XIRP2: variants seen among roughly 807,000 people sequenced by gnomAD.
XIRP2 encodes the protein xin actin binding repeat containing 2.
A neutral mutation model predicts 277.0 loss-of-function variants in XIRP2; 236 were observed. That is an observed-to-expected ratio of 0.85 (90% CI 0.77 to 0.95). XIRP2 has a LOEUF of 0.95. XIRP2 is among the 40% of genes least tolerant of loss of function. The pLI is 0.00. For synonymous variants in XIRP2, 1,490 were observed against 1,416.5 expected, an observed-to-expected ratio of 1.05 and a Z score of -1.17; for missense variants, 4,640 against 4,157.5, an observed-to-expected ratio of 1.12 and a Z score of -3.19.
intron 2 of XIRP2, among the ~76,000 whole-genome samples, chr2:167,134,568 G>A (rs374714072): frequency 5.1e-4 from 78 of 152,202 alleles, no homozygotes; most frequent in African/African-American, 1.8e-3. Context: ...GCTGCTTAGA[G>A]AAATACAATA....
chr2:167,163,208 T>G (rs1459109926), intron 3 of XIRP2, among the ~76,000 whole-genome samples: 3 of 152,204 alleles, frequency 2.0e-5, no homozygotes, highest in Non-Finnish European at 4.4e-5. Context: ...TGGACATATG[T>G]TAAGTCATTA....
chr2:167,259,508 T>C lies in XIRP2; in HGVS notation c.*1691T>C, dbSNP rs182661301. The C allele has an allele frequency of 2.2e-3, 1,630 of 748,956 alleles. 17 individuals are homozygous for C. Among genetic ancestry groups the C allele is most frequent in the South Asian group, 0.015 (618 of 41,266 alleles). 46.4% of individuals were successfully genotyped at this position (748,956 alleles called of 1,614,324 possible). A position where few individuals can be genotyped will look rare whatever the true frequency, so the allele number is the denominator to read the frequency against. On this transcript the variant is annotated 3_prime_UTR_variant, in exon 11 of 11. Transcript: ENST00000409195. The stretch of plus-strand genomic sequence containing the variant: ...ATCTCGTGTCTATCTCAATGGGATA[T>C]TTCTTGTATTACACCTTGTCATTTT...
At chr2:167,083,020 T>C (rs868180314) in intron 2 of XIRP2, among the ~76,000 whole-genome samples, 150 of 152,348 alleles carry the variant, frequency 9.8e-4, no homozygotes, top group African/African-American at 3.5e-3. Context: ...TCCTTGCCCA[T>C]GCCTATGTCC....
At chr2:167,045,868 C>A (rs1454375150) in intron 2 of XIRP2, among the ~76,000 whole-genome samples, 1 of 152,046 alleles carries the variant, frequency 6.6e-6, no homozygotes, top group Admixed American at 6.6e-5. Context: ...TTCAACCCAA[C>A]AATCCCATTA....
intron 2 of XIRP2, among the ~76,000 whole-genome samples, chr2:167,084,005 C>A (rs1157527637): frequency 6.6e-6 from 1 of 151,482 alleles, no homozygotes; most frequent in African/African-American, 2.4e-5. Context: ...GAGAGGGCAT[C>A]CCTGTCTTGT....
intron 3 of XIRP2, among the ~76,000 whole-genome samples, chr2:167,203,726 C>T (rs558671070): frequency 6.6e-6 from 1 of 152,254 alleles, no homozygotes; most frequent in South Asian, 2.1e-4. Context: ...AAATTGATTA[C>T]AAATTTTACT....
chr2:167,030,187 GA>G (rs1002368730), intron 2 of XIRP2, among the ~76,000 whole-genome samples: 7 of 151,806 alleles, frequency 4.6e-5, no homozygotes, highest in African/African-American at 1.2e-4. Context: ...TGATTTTTTT[GA>G]AGGATTTTTC....
rs141414149 is a variant in XIRP2 at position 166,954,719 on chromosome 2, C to T, written c.408+50829C>T. On this transcript the variant is annotated intron_variant, in intron 2 of 10. Coordinates refer to ENST00000409195, the MANE Select transcript of XIRP2 (RefSeq NM_152381.6). Reference sequence around the variant, plus strand: ...TAAAGAAAATGTAGTACATATACACCATAGAATACTACGCAGTCGTGAAAA... The same window carrying T: ...TAAAGAAAATGTAGTACATATACACTATAGAATACTACGCAGTCGTGAAAA... 6.0e-3 allele frequency among the ~76,000 whole-genome samples: 907 copies of T among 151,982 alleles called. 10 individuals are homozygous for T. The highest frequency in any genetic ancestry group is 0.021 in the African/African-American group (863 of 41,472).
chr2:167,204,383 G>T (rs191735796), intron 3 of XIRP2, among the ~76,000 whole-genome samples: 1 of 152,244 alleles, frequency 6.6e-6, no homozygotes, highest in East Asian at 1.9e-4. Flanking sequence ...TATTTACTGA[G>T]CATAGTGATT....
intron 2 of XIRP2, among the ~76,000 whole-genome samples, chr2:166,961,160 GAAGAGAGC>G (rs1686286931): frequency 6.6e-6 from 1 of 151,706 alleles, no homozygotes; most frequent in South Asian, 2.1e-4. Flanking sequence ...ACTTCTGGGT[GAAGAGAGC>G]ACAGCCATTA....
intron 2 of XIRP2, among the ~76,000 whole-genome samples, chr2:167,057,488 G>C (rs1689066253): frequency 6.6e-6 from 1 of 152,116 alleles, no homozygotes; most frequent in Non-Finnish European, 1.5e-5. Context: ...AAACACTTGG[G>C]TTACACATGC....
Position 167,000,289 on chromosome 2 carries a change from C to T in XIRP2, c.408+96399C>T, listed in dbSNP as rs188101709. 1.4e-3 allele frequency among the ~76,000 whole-genome samples: 211 copies of T among 152,256 alleles called. 2 individuals carry two copies. Among genetic ancestry groups the T allele is most frequent in the African/African-American group, 4.9e-3 (203 of 41,558 alleles). On this transcript the variant is annotated intron_variant, in intron 2 of 10. Transcript: ENST00000409195. ...GATTGAAGATCCAAAAAGGCCCACA[C>T]ATAGTGATTGTTTCATGGGTTTCAT...
chr2:167,135,959 T>C lies in XIRP2; in HGVS notation c.459T>C (p.Pro153=). 1 of 1,611,340 alleles carries C rather than the reference T, an allele frequency of 6.2e-7. No individual in the cohort carries two copies. Among genetic ancestry groups the C allele is most frequent in the Non-Finnish European group, 8.5e-7 (1 of 1,178,812 alleles). ...SLCSPAFKSH[P]GSQLEDSVKD... is the part of the protein sequence containing the mutation. ...GCTCGCCAGCTTTTAAGAGTCACCCTGGGAGCCAGCTGGAGGATTCTGTGA... is the reference window on the plus strand; with the variant it reads ...GCTCGCCAGCTTTTAAGAGTCACCCCGGGAGCCAGCTGGAGGATTCTGTGA... Residue 153 remains proline, a synonymous_variant, in exon 3 of 11, where the codon CCT becomes CCC. Coordinates refer to ENST00000409195, the MANE Select transcript of XIRP2 (RefSeq NM_152381.6).
chr2:166,976,478 T>A (rs1686720855), intron 2 of XIRP2, among the ~76,000 whole-genome samples: 1 of 152,230 alleles, frequency 6.6e-6, no homozygotes, highest in Non-Finnish European at 1.5e-5. Context: ...TTGTTCTTTT[T>A]AATGTTTCTA....
chr2:167,014,509 T>G (rs533136687), intron 2 of XIRP2, among the ~76,000 whole-genome samples: 1 of 151,686 alleles, frequency 6.6e-6, no homozygotes, highest in African/African-American at 2.4e-5. Context: ...GTAAAATGAC[T>G]GTGGGATAAA....
intron 2 of XIRP2, among the ~76,000 whole-genome samples, chr2:166,913,643 C>T (rs181947683): frequency 5.5e-4 from 84 of 152,228 alleles, no homozygotes; most frequent in African/African-American, 2.0e-3. Context: ...TCAAAGTGGC[C>T]ACAAAGCAAG....
chr2:167,077,357 G>A (rs948124763), intron 2 of XIRP2, among the ~76,000 whole-genome samples: 1 of 151,830 alleles, frequency 6.6e-6, no homozygotes, highest in African/African-American at 2.4e-5. Flanking sequence ...TGCCTATATC[G>A]AGTCATTTAT....
chr2:167,150,618 T>G (rs1156623820), intron 3 of XIRP2, among the ~76,000 whole-genome samples: 1 of 152,006 alleles, frequency 6.6e-6, no homozygotes, highest in African/African-American at 2.4e-5. Flanking sequence ...GTGTCTGAGA[T>G]GTATTGATAT....
chr2:166,965,101 G>T (rs1686395328), intron 2 of XIRP2, among the ~76,000 whole-genome samples: 2 of 152,024 alleles, frequency 1.3e-5, no homozygotes, highest in South Asian at 4.1e-4. Context: ...CAAAAGTGAT[G>T]CATGTCACTT....
Sources: gnomAD v4.1 joint callset for allele counts (sites outside exome capture counted in the v4.1 genomes callset) on GRCh38, gnomAD v4.1.1 for gene constraint, MANE v1.5 for transcripts, NCBI Gene and HGNC (gene_info 2026-07-23, HGNC 2026-07-21) for gene names.